Variants in PRDM11 observed in about 807,000 individuals in gnomAD.
PRDM11 encodes PR/SET domain 11.
PRDM11 carries 20 observed loss-of-function variants against 97.8 expected under a neutral mutation model. The observed-to-expected ratio is 0.20, with a 90% CI of 0.14 to 0.30. The LOEUF is 0.30. Among genes scored for constraint, PRDM11 ranks in the 10% least tolerant of loss-of-function variants. PRDM11 has a pLI of 1.00. For missense variants in PRDM11, 1,139 were observed against 1,555.2 expected, an observed-to-expected ratio of 0.73 and a Z score of 4.50; for synonymous variants, 599 against 637.7, an observed-to-expected ratio of 0.94 and a Z score of 0.91.
chr11:45,113,772 T>C (rs1852235657), intron 1 of PRDM11, among the ~76,000 whole-genome samples: 1 of 150,620 alleles, frequency 6.6e-6, no homozygotes, highest in Non-Finnish European at 1.5e-5. Context: ...TGTTGGTGTA[T>C]AAGAGTGCTA....
rs1854277287 is a variant in PRDM11, at chr11:45,226,492, G to A, written c.1867G>A (p.Val623Met). The part of the protein sequence containing the change: ...AELLRKCELK[V>M]VDQYMNEGDC... ...GCTGCTGAGGAAGTGTGAGCTCAAG[G>A]TGGTGGACCAGTACATGAATGAGGG... is the stretch of plus-strand genomic sequence containing the variant. The change falls in exon 8 of 8, where the codon GTG (valine) becomes ATG (methionine). Residue 623 changes from valine (V) to methionine (M), a missense_variant. By Grantham distance (21) the Val-to-Met change is conservative (BLOSUM62 1). Transcript: ENST00000683152. 6.5e-7 allele frequency: 1 copy of A among 1,533,876 alleles called. No homozygotes were observed. Among genetic ancestry groups the A allele is most frequent in the Non-Finnish European group, 8.7e-7 (1 of 1,146,752 alleles).
At chr11:45,175,336 C>G (rs1397577240) in intron 1 of PRDM11, among the ~76,000 whole-genome samples, 1 of 152,202 alleles carries the variant, frequency 6.6e-6, no homozygotes, top group Non-Finnish European at 1.5e-5. Flanking sequence ...GATCTTTTTA[C>G]AGCCTTCGTG....
intron 4 of PRDM11, among the ~76,000 whole-genome samples, chr11:45,185,883 G>A (rs80330657): frequency 0.039 from 5,896 of 152,026 alleles, 154 homozygotes; most frequent in South Asian, 0.062. Flanking sequence ...TTACCTGGGT[G>A]GGCCCAGTGT....
chr11:45,174,194 AGATTATAGC>A (rs976119884), intron 1 of PRDM11, among the ~76,000 whole-genome samples: 3 of 152,180 alleles, frequency 2.0e-5, no homozygotes, highest in Non-Finnish European at 2.9e-5. Flanking sequence ...TCACTCATCC[AGATTATAGC>A]ATGTAGTTGT....
chr11:45,172,164 G>A (rs1033400657), intron 1 of PRDM11, among the ~76,000 whole-genome samples: 4 of 152,202 alleles, frequency 2.6e-5, no homozygotes, highest in African/African-American at 4.8e-5. Context: ...ACTCAGGAAC[G>A]GCCAGATGGA....
intron 5 of PRDM11, among the ~76,000 whole-genome samples, chr11:45,215,556 A>G (rs1416341219): frequency 1.2e-4 from 18 of 152,208 alleles, no homozygotes; most frequent in Non-Finnish European, 2.6e-4. Flanking sequence ...GAAGCTGTAA[A>G]ACTGAAATGG....
At chr11:45,197,886 G>T (rs1204782349) in intron 4 of PRDM11, among the ~76,000 whole-genome samples, 1 of 152,076 alleles carries the variant, frequency 6.6e-6, no homozygotes, top group Non-Finnish European at 1.5e-5. Flanking sequence ...TGCGGGGAAG[G>T]GGGAGGGATA....
intron 1 of PRDM11, among the ~76,000 whole-genome samples, chr11:45,114,884 T>C (rs1852267419): frequency 6.6e-6 from 1 of 152,014 alleles, no homozygotes; most frequent in South Asian, 2.1e-4. Flanking sequence ...AACAAAGATA[T>C]TTCAAATAAA....
At chr11:45,146,373 A>G (rs1851508309), upstream of PRDM11, among the ~76,000 whole-genome samples, 1 of 152,352 alleles carries the variant, frequency 6.6e-6, no homozygotes, top group East Asian at 1.9e-4. Context: ...ACCCCAAAAA[A>G]GTATCCCAGT....
At chr11:45,218,387 A>C (rs2135837113) in intron 5 of PRDM11, among the ~76,000 whole-genome samples, 1 of 152,322 alleles carries the variant, frequency 6.6e-6, no homozygotes, top group Admixed American at 6.5e-5. Context: ...CCAATGAGAC[A>C]ATGTACTACG....
chr11:45,180,224 C>T (rs1254831069), intron 1 of PRDM11, among the ~76,000 whole-genome samples: 1 of 152,230 alleles, frequency 6.6e-6, no homozygotes, highest in Non-Finnish European at 1.5e-5. Flanking sequence ...ATCCCACAGG[C>T]TTTGAGGTCG....
chr11:45,225,291 G>A (rs1169214588), intron 7 of PRDM11, among the ~76,000 whole-genome samples: 1 of 152,162 alleles, frequency 6.6e-6, no homozygotes, highest in Non-Finnish European at 1.5e-5. Flanking sequence ...TGCCACACAT[G>A]GTCCCAGTTC....
chr11:45,146,137 GGA>G, upstream of PRDM11, among the ~76,000 whole-genome samples: 1 of 152,264 alleles, frequency 6.6e-6, no homozygotes, highest in East Asian at 1.9e-4. Context: ...AGCCTTCGCG[GGA>G]CGCCTGCGTC....
intron 1 of PRDM11, among the ~76,000 whole-genome samples, chr11:45,140,548 C>G (rs535052094): frequency 6.6e-6 from 1 of 152,266 alleles, no homozygotes; most frequent in South Asian, 2.1e-4. Context: ...AGCCCCCAAC[C>G]TTGGCTTACA....
At chr11:45,136,874 G>A (rs1243637887) in intron 1 of PRDM11, among the ~76,000 whole-genome samples, 1 of 151,938 alleles carries the variant, frequency 6.6e-6, no homozygotes, top group African/African-American at 2.4e-5. Context: ...CGGGCACAGA[G>A]GCTCCTGCCT....
At chr11:45,124,187 A>T (rs1249313939) in intron 1 of PRDM11, among the ~76,000 whole-genome samples, 1 of 151,752 alleles carries the variant, frequency 6.6e-6, no homozygotes, top group Non-Finnish European at 1.5e-5. Flanking sequence ...ATTTTTGTAC[A>T]TTGATTTTGT....
intron 1 of PRDM11, among the ~76,000 whole-genome samples, chr11:45,133,690 G>A (rs1852769675): frequency 6.6e-6 from 1 of 152,164 alleles, no homozygotes; most frequent in African/African-American, 2.4e-5. Flanking sequence ...ACTGGCATGT[G>A]CAGCACTAAT....
chr11:45,143,268 G>A (rs559170499), upstream of PRDM11, among the ~76,000 whole-genome samples: 2 of 152,142 alleles, frequency 1.3e-5, no homozygotes, highest in East Asian at 3.8e-4. Context: ...CTTCCTTCTA[G>A]GATCCAGGGG....
intron 4 of PRDM11, among the ~76,000 whole-genome samples, chr11:45,202,991 G>A (rs2135792458): frequency 6.6e-6 from 1 of 152,340 alleles, no homozygotes; most frequent in East Asian, 1.9e-4. Context: ...GGGTATGAAG[G>A]CTGTGGCCAT....
Sources: allele counts gnomAD v4.1 joint callset (sites outside exome capture counted in the v4.1 genomes callset), GRCh38; gene constraint gnomAD v4.1.1; transcripts MANE v1.5; gene names NCBI Gene and HGNC (gene_info 2026-07-23, HGNC 2026-07-21).